Variants in CNTN3 observed in about 807,000 individuals in gnomAD.
The protein encoded by CNTN3 is contactin-3.
A neutral mutation model predicts 119.1 loss-of-function variants in CNTN3; 60 were observed. The ratio of observed to expected loss-of-function variants is 0.50; its 90% confidence interval spans 0.41 to 0.62. The LOEUF (loss-of-function observed/expected upper bound fraction) is 0.62. CNTN3 is among the 20% of genes least tolerant of loss of function. The probability of loss-of-function intolerance (pLI) is 0.00; values close to 1 mark genes in which losing one functional copy is unlikely to be tolerated. For synonymous variants in CNTN3, 450 were observed against 438.7 expected (o/e 1.03, Z -0.32); for missense variants, 1,101 against 1,242.4 (o/e 0.89, Z 1.71).
At chr3:74,382,719 A>G (rs1252849651) in intron 5 of CNTN3, among the ~76,000 whole-genome samples, 4 of 152,232 alleles carry the variant, frequency 2.6e-5, no homozygotes, top group African/African-American at 7.2e-5. Flanking sequence ...TAAAGGCTTA[A>G]GAATATTCCA....
intron 5 of CNTN3, among the ~76,000 whole-genome samples, chr3:74,418,284 T>C (rs2106883947): frequency 6.6e-6 from 1 of 151,788 alleles, no homozygotes; most frequent in African/African-American, 2.4e-5. Context: ...CATCTTGGCT[T>C]CCCAAAGTGC....
At chr3:74,608,912 G>A (rs1455238613) in intron 1 of CNTN3, among the ~76,000 whole-genome samples, 1 of 152,156 alleles carries the variant, frequency 6.6e-6, no homozygotes, top group African/African-American at 2.4e-5. Context: ...ATAGCATAGA[G>A]GTCAAACCTA....
intron 4 of CNTN3, among the ~76,000 whole-genome samples, chr3:74,477,226 G>A (rs1238494180): frequency 6.6e-6 from 1 of 152,104 alleles, no homozygotes; most frequent in East Asian, 1.9e-4. Flanking sequence ...AACCTTAGAG[G>A]TTTAGAATCT....
chr3:74,466,416 C>T (rs924195648), intron 4 of CNTN3, among the ~76,000 whole-genome samples: 3 of 151,954 alleles, frequency 2.0e-5, no homozygotes, highest in Non-Finnish European at 4.4e-5. Context: ...CAGTCAAAAA[C>T]GGAAGAAAGT....
chr3:74,413,235 A>G (rs1205247528), intron 5 of CNTN3, among the ~76,000 whole-genome samples: 1 of 152,196 alleles, frequency 6.6e-6, no homozygotes, highest in African/African-American at 2.4e-5. Context: ...TGGAATACAG[A>G]TTCAGCCAAC....
chr3:74,567,102 G>T (rs11928037), intron 1 of CNTN3, among the ~76,000 whole-genome samples: 111,459 of 151,850 alleles, frequency 0.73, 41,476 homozygotes, highest in Non-Finnish European at 0.79. Context: ...GCCACATAAT[G>T]CGTCTACCAC....
At chr3:74,346,079 C>T (rs1703680941) in intron 11 of CNTN3, among the ~76,000 whole-genome samples, 1 of 151,100 alleles carries the variant, frequency 6.6e-6, no homozygotes, top group Admixed American at 6.6e-5. Flanking sequence ...AAATACGACA[C>T]GATATAAGTA....
chr3:74,493,905 T>C (rs1703012263), intron 3 of CNTN3, among the ~76,000 whole-genome samples: 1 of 152,170 alleles, frequency 6.6e-6, no homozygotes, highest in African/African-American at 2.4e-5. Context: ...TTTTATGATA[T>C]AGATTCCCAT....
At chr3:74,551,267 C>T (rs1399508913) in intron 1 of CNTN3, among the ~76,000 whole-genome samples, 1 of 152,180 alleles carries the variant, frequency 6.6e-6, no homozygotes, top group African/African-American at 2.4e-5. Flanking sequence ...CACTCCACGA[C>T]ACTCAGAAGC....
intron 1 of CNTN3, among the ~76,000 whole-genome samples, chr3:74,542,554 G>A (rs1328859536): frequency 6.6e-6 from 1 of 152,120 alleles, no homozygotes; most frequent in Non-Finnish European, 1.5e-5. Context: ...ACAGTGATGT[G>A]AGAAACATTA....
chr3:74,573,522 C>T (rs992999242), intron 1 of CNTN3, among the ~76,000 whole-genome samples: 2 of 151,906 alleles, frequency 1.3e-5, no homozygotes, highest in South Asian at 2.1e-4. Flanking sequence ...GAGAATGGGA[C>T]AAAATATTTG....
At chr3:74,292,802 G>A (rs1271588590) in intron 19 of CNTN3, among the ~76,000 whole-genome samples, 1 of 152,162 alleles carries the variant, frequency 6.6e-6, no homozygotes. Flanking sequence ...ATCCCTTACA[G>A]CTGTGCTCCT....
chr3:74,599,931 A>C lies in CNTN3; in HGVS notation c.-81+14460T>G, dbSNP rs150090307. Among the ~76,000 whole-genome samples the C allele has an allele frequency of 1.3e-3, 201 of 152,214 alleles. 1 individual carries two copies. The highest frequency in any genetic ancestry group is 4.8e-3 in the African/African-American group (198 of 41,558). ...ACATGAAGAGAGAACATTATGTTGA[A>C]CCTTAAAAAGGATGGGTGTGATCTT... On this transcript the variant is annotated intron_variant, in intron 1 of 22. Transcript: ENST00000263665.
chr3:74,422,250 A>G (rs1266137928), intron 5 of CNTN3, among the ~76,000 whole-genome samples: 1 of 152,160 alleles, frequency 6.6e-6, no homozygotes, highest in African/African-American at 2.4e-5. Context: ...ACTTTTTAGC[A>G]TCTAAATCTG....
Position 74,301,630 on chromosome 3 carries a change from T to C in CNTN3, c.1945+17A>G. 1 of 1,613,646 alleles carries C rather than the reference T, an allele frequency of 6.2e-7. No individual in the cohort carries two copies. Among genetic ancestry groups the C allele is most frequent in the Non-Finnish European group, 8.5e-7 (1 of 1,179,732 alleles). On this transcript the variant is annotated intron_variant, in intron 15 of 22. Coordinates refer to ENST00000263665, the MANE Select transcript of CNTN3 (RefSeq NM_020872.3). Reference sequence around the variant, plus strand: ...CATTTATATGTGTGCAGATGACATCTGCCTCTCCTGCTTTACCTGTTGTGA... The same window carrying C: ...CATTTATATGTGTGCAGATGACATCCGCCTCTCCTGCTTTACCTGTTGTGA...
chr3:74,400,860 A>G (rs903162905), intron 5 of CNTN3, among the ~76,000 whole-genome samples: 1 of 152,202 alleles, frequency 6.6e-6, no homozygotes, highest in Non-Finnish European at 1.5e-5. Context: ...ACAAGACTTT[A>G]AGGATTGATT....
At chr3:74,505,368 T>C (rs1427506294) in intron 2 of CNTN3, among the ~76,000 whole-genome samples, 1 of 152,090 alleles carries the variant, frequency 6.6e-6, no homozygotes, top group African/African-American at 2.4e-5. Flanking sequence ...GCTTCCTTTT[T>C]GATATGGAAA....
chr3:74,344,029 C>T (rs909602858), intron 11 of CNTN3, among the ~76,000 whole-genome samples: 3 of 152,192 alleles, frequency 2.0e-5, no homozygotes, highest in Non-Finnish European at 4.4e-5. Context: ...ATTTCTGGAG[C>T]CAGTTTCCTA....
intron 1 of CNTN3, among the ~76,000 whole-genome samples, chr3:74,571,701 G>T (rs1413524701): frequency 7.2e-5 from 11 of 152,138 alleles, no homozygotes; most frequent in Non-Finnish European, 1.5e-4. Flanking sequence ...TTTGTCAAAA[G>T]AATCCTGCCA....
Sources: allele counts gnomAD v4.1 joint callset (sites outside exome capture counted in the v4.1 genomes callset), GRCh38; gene constraint gnomAD v4.1.1; transcripts MANE v1.5; gene names NCBI Gene and HGNC (gene_info 2026-07-23, HGNC 2026-07-21).